The following TNFRSF21 variants were observed in gnomAD, a reference collection of about 807,000 sequenced individuals.
The protein encoded by TNFRSF21 is tumor necrosis factor receptor superfamily member 21.
A neutral mutation model predicts 45.6 loss-of-function variants in TNFRSF21; 19 were observed. The observed-to-expected ratio is 0.42, with a 90% CI of 0.29 to 0.61. The LOEUF is 0.61. TNFRSF21 is among the 20% of genes least tolerant of loss of function. The probability of loss-of-function intolerance (pLI) is 0.23; values close to 1 mark genes in which losing one functional copy is unlikely to be tolerated. For synonymous variants in TNFRSF21, 314 were observed against 335.5 expected, an observed-to-expected ratio of 0.94 and a Z score of 0.70; for missense variants, 737 against 851.5, an observed-to-expected ratio of 0.87 and a Z score of 1.67.
Position 47,286,159 on chromosome 6 carries a change from T to C in TNFRSF21, c.533A>G (p.Asp178Gly), listed in dbSNP as rs527253032. The C allele has an allele frequency of 1.2e-6, 2 of 1,614,184 alleles. No individual in the cohort carries two copies. Among genetic ancestry groups the C allele is most frequent in the South Asian group, 2.2e-5 (2 of 91,078 alleles). The change falls in exon 2 of 6, where the codon GAT becomes GGT. Residue 178 changes from aspartate to glycine, a missense_variant. Asp to Gly is a moderately conservative substitution (Grantham distance 94). Transcript: ENST00000296861. ...CKQCARGTFS[D>G]VPSSVMKCKA... ...GCATTTCATCACACTAGAAGGCACA[T>C]CTGAGAAGGTACCCCGAGCACACTG... is the stretch of plus-strand genomic sequence containing the variant.
At chr6:47,282,290 C>G (rs1286662731) in intron 3 of TNFRSF21, among the ~76,000 whole-genome samples, 2 of 149,336 alleles carry the variant, frequency 1.3e-5, no homozygotes, top group East Asian at 3.9e-4. Flanking sequence ...GAGGCTGAGG[C>G]AGGAGAATCG....
At chr6:47,278,046 G>A (rs1762522667) in intron 3 of TNFRSF21, among the ~76,000 whole-genome samples, 2 of 152,186 alleles carry the variant, frequency 1.3e-5, no homozygotes, top group South Asian at 4.1e-4. Flanking sequence ...CTGCTCTCCA[G>A]TGTCCATGGG....
chr6:47,264,130 T>C (rs1762291773), intron 3 of TNFRSF21, among the ~76,000 whole-genome samples: 1 of 152,220 alleles, frequency 6.6e-6, no homozygotes, highest in South Asian at 2.1e-4. Context: ...CTATTTGTAT[T>C]TGAGTCCTAT....
At chr6:47,302,213 C>G (rs1375560268) in intron 1 of TNFRSF21, among the ~76,000 whole-genome samples, 3 of 152,168 alleles carry the variant, frequency 2.0e-5, no homozygotes, top group Admixed American at 1.3e-4. Context: ...AAACACATGA[C>G]CTCTGACACC....
chr6:47,261,069 A>T (rs1258732102), intron 3 of TNFRSF21, among the ~76,000 whole-genome samples: 2 of 152,148 alleles, frequency 1.3e-5, no homozygotes, highest in Admixed American at 1.3e-4. Flanking sequence ...GGAGACATGA[A>T]CTCAAGACAG....
At chr6:47,250,077 AC>A (rs1191785756) in intron 4 of TNFRSF21, among the ~76,000 whole-genome samples, 2 of 152,212 alleles carry the variant, frequency 1.3e-5, no homozygotes, top group Non-Finnish European at 2.9e-5. Flanking sequence ...AAATGTAAAC[AC>A]ACTGAAATTC....
At position 47,295,591 on chromosome 6, in the gene TNFRSF21, G is replaced by A. The variant is rs1762780464; in HGVS notation, c.97-8996C>T. Among the ~76,000 whole-genome samples the A allele has an allele frequency of 2.0e-5, 3 of 152,142 alleles. No individual in the cohort carries two copies. In the South Asian group the frequency reaches 6.2e-4, roughly 32 times the overall value. The stretch of plus-strand genomic sequence containing the variant: ...CTAAAGGCAAAACCCAGGCAGAGAT[G>A]GACCTTCCAGAATTTCTGATCATTT... On this transcript the variant is annotated intron_variant, in intron 1 of 5. Transcript: ENST00000296861.
intron 3 of TNFRSF21, among the ~76,000 whole-genome samples, chr6:47,261,055 G>C (rs1269570984): frequency 6.6e-6 from 1 of 152,152 alleles, no homozygotes. Context: ...ACACATGGAA[G>C]ACGGGAGACA....
chr6:47,245,861 A>G (rs1156522273), intron 4 of TNFRSF21, among the ~76,000 whole-genome samples: 3 of 152,216 alleles, frequency 2.0e-5, no homozygotes, highest in East Asian at 3.8e-4. Flanking sequence ...GGGAGGCTTC[A>G]GGAAACTTAT....
chr6:47,276,914 G>A (rs556947633), intron 3 of TNFRSF21, among the ~76,000 whole-genome samples: 14 of 152,254 alleles, frequency 9.2e-5, no homozygotes, highest in Middle Eastern at 3.4e-3. Flanking sequence ...TGGTATGGAG[G>A]GAAACCCATC....
chr6:47,242,487 C>CA (rs1764759372), intron 4 of TNFRSF21, among the ~76,000 whole-genome samples: 1 of 152,174 alleles, frequency 6.6e-6, no homozygotes, highest in Non-Finnish European at 1.5e-5. Flanking sequence ...CCATTTAAGT[C>CA]AAAGTGTCAA....
chr6:47,306,737 C>A (rs1014507110), intron 1 of TNFRSF21, among the ~76,000 whole-genome samples: 1 of 151,988 alleles, frequency 6.6e-6, no homozygotes, highest in Non-Finnish European at 1.5e-5. Context: ...AAAGTCATAA[C>A]ACAAAAATGA....
chr6:47,234,760 A>G lies in TNFRSF21; in HGVS notation c.1648T>C (p.Phe550Leu), dbSNP rs1170916749. 7 of 1,609,610 alleles carry G rather than the reference A, an allele frequency of 4.3e-6. No individual in the cohort carries two copies. In the Admixed American group the frequency reaches 8.5e-5, roughly 19 times the overall value. The part of the protein sequence containing the change: ...PSPQDKNKGF[F>L]VDESEPLLRC... ...AGAAGGGGCTCCGACTCATCCACGA[A>G]GAAGCCCTTGTTCTTGTCCTGTGGG... The change falls in exon 5 of 6, where the codon TTC (phenylalanine) becomes CTC (leucine). Residue 550 changes from phenylalanine to leucine, a missense_variant. By Grantham distance (22) the Phe-to-Leu change is conservative. Transcript: ENST00000296861.
chr6:47,234,537 C>T, intron 5 of TNFRSF21, 133 bp downstream of exon 5: 1 of 746,722 alleles, frequency 1.3e-6, no homozygotes, highest in South Asian at 1.7e-5. Context: ...AAGTTTTGGA[C>T]TGGTCTTCCT....
chr6:47,261,420 C>T lies in TNFRSF21; in HGVS notation c.1244-7899G>A, dbSNP rs574777756. Reference sequence around the variant, plus strand: ...GAATGAGAGTCTTTTTTTGTCATCCCTGCCCTCTTGACTGACCCTCCTCAC... The same window carrying T: ...GAATGAGAGTCTTTTTTTGTCATCCTTGCCCTCTTGACTGACCCTCCTCAC... On this transcript the variant is annotated intron_variant, in intron 3 of 5. Coordinates refer to ENST00000296861, the MANE Select transcript of TNFRSF21 (RefSeq NM_014452.5). Among the ~76,000 whole-genome samples, 4 of 152,266 alleles carry T rather than the reference C, an allele frequency of 2.6e-5. No homozygotes were observed. The East Asian group carries it at 7.7e-4, about 29-fold the overall frequency.
rs764654182 is a variant in TNFRSF21, at chr6:47,234,703, C to T, written c.1705G>A (p.Ala569Thr). 2 of 1,611,108 alleles carry T rather than the reference C, an allele frequency of 1.2e-6. No homozygotes were observed. The highest frequency in any genetic ancestry group is 1.1e-5 in the South Asian group (1 of 90,406). Residue 569 changes from alanine (A) to threonine (T), a missense_variant, in exon 5 of 6, where the codon GCG becomes ACG. Coordinates refer to ENST00000296861, the MANE Select transcript of TNFRSF21 (RefSeq NM_014452.5). ...ATAAAGGAACCGTTCCTGCTCAGCG[C>T]GGAGGAGCCGCTGGATGTAGAGTCA... ...RCDSTSSGSS[A>T]LSRNGSFITK...
intron 3 of TNFRSF21, among the ~76,000 whole-genome samples, chr6:47,256,183 G>A (rs1464460543): frequency 6.6e-6 from 1 of 152,150 alleles, no homozygotes; most frequent in African/African-American, 2.4e-5. Flanking sequence ...CACTGAAAAT[G>A]GTTTTCAAAA....
intron 3 of TNFRSF21, among the ~76,000 whole-genome samples, chr6:47,263,762 C>A (rs1418815827): frequency 4.6e-5 from 7 of 152,190 alleles, no homozygotes; most frequent in Admixed American, 4.6e-4. Context: ...AATTCTAAGA[C>A]ACCTGAATGT....
chr6:47,257,167 C>A (rs6936025), intron 3 of TNFRSF21, among the ~76,000 whole-genome samples: 10,575 of 151,662 alleles, frequency 0.07, 467 homozygotes, highest in African/African-American at 0.13. Flanking sequence ...TTTAACAACC[C>A]CTCCTTCCAA....
Sources: allele counts gnomAD v4.1 joint callset (sites outside exome capture counted in the v4.1 genomes callset), GRCh38; gene constraint gnomAD v4.1.1; transcripts MANE v1.5; gene names NCBI Gene and HGNC (gene_info 2026-07-23, HGNC 2026-07-21).